CSMD2: variants seen among roughly 807,000 people sequenced by gnomAD.
The protein encoded by CSMD2 is CUB and Sushi multiple domains 2.
A neutral mutation model predicts 398.5 loss-of-function variants in CSMD2; 130 were observed. That is an observed-to-expected ratio of 0.33 (90% confidence interval 0.28 to 0.38). The LOEUF (loss-of-function observed/expected upper bound fraction) is 0.38. Among genes scored for constraint, CSMD2 ranks in the 10% least tolerant of loss-of-function variants. The probability of loss-of-function intolerance (pLI) is 1.00; values close to 1 mark genes in which losing one functional copy is unlikely to be tolerated. For synonymous variants in CSMD2, 1,828 were observed against 1,908.5 expected, an observed-to-expected ratio of 0.96 and a Z score of 1.10; for missense variants, 3,829 against 4,764.9, an observed-to-expected ratio of 0.80 and a Z score of 5.78.
intron 1 of CSMD2, among the ~76,000 whole-genome samples, chr1:34,151,635 C>T (rs924591122): frequency 6.6e-6 from 1 of 151,898 alleles, no homozygotes; most frequent in Non-Finnish European, 1.5e-5. Flanking sequence ...AGGAGAGAGG[C>T]GGAAGGAACA....
intron 48 of CSMD2, 114 bp downstream of exon 48, chr1:33,580,639 C>T: frequency 1.8e-6 from 2 of 1,136,996 alleles, no homozygotes; most frequent in East Asian, 2.4e-5. Flanking sequence ...GCAAAGACCA[C>T]TTAGCTTCAG....
At chr1:34,043,047 CCAAAGTG>C (rs1652051982) in intron 2 of CSMD2, among the ~76,000 whole-genome samples, 1 of 152,102 alleles carries the variant, frequency 6.6e-6, no homozygotes, top group Admixed American at 6.5e-5. Flanking sequence ...CCTTGGCCTC[CCAAAGTG>C]CTGGGATTAC....
chr1:34,010,943 T>G (rs550545296), intron 3 of CSMD2, among the ~76,000 whole-genome samples: 1 of 152,282 alleles, frequency 6.6e-6, no homozygotes, highest in Admixed American at 6.5e-5. Context: ...GTTTTTGAGC[T>G]TCCTTCTGCC....
chr1:34,147,316 AATGCT>A (rs1639867498), intron 1 of CSMD2, among the ~76,000 whole-genome samples: 1 of 152,208 alleles, frequency 6.6e-6, no homozygotes, highest in Non-Finnish European at 1.5e-5. Flanking sequence ...GGTCAAGGCA[AATGCT>A]GGAAGCTCCA....
rs1646169444 is a variant in CSMD2 at position 33,716,407 on chromosome 1, C to T, written c.3096G>A (p.Gln1032=). 1 of 1,614,094 alleles carries T rather than the reference C, an allele frequency of 6.2e-7. No individual in the cohort carries two copies. Among genetic ancestry groups the T allele is most frequent in the Non-Finnish European group, 8.5e-7 (1 of 1,180,030 alleles). ...GAGCTGGCAGCCGAGATCCAGTTAGCTGCCTCAGGGGCTGGGTGAAGCTGC... is the reference window on the plus strand; with the variant it reads ...GAGCTGGCAGCCGAGATCCAGTTAGTTGCCTCAGGGGCTGGGTGAAGCTGC... ...ENGSFTQPLR[Q]LTGSRLPAPI... The change falls in exon 20 of 71, where the codon CAG becomes CAA. Residue 1032 remains glutamine, a synonymous_variant. Transcript: ENST00000373381.
intron 6 of CSMD2, among the ~76,000 whole-genome samples, chr1:33,830,045 C>T (rs532471132): frequency 6.2e-4 from 95 of 152,336 alleles, no homozygotes; most frequent in African/African-American, 2.0e-3. Flanking sequence ...CTCAAGGAGG[C>T]CTGCCTGCCT....
intron 13 of CSMD2, among the ~76,000 whole-genome samples, chr1:33,768,545 T>TGTGTGTGC (rs1650845741): frequency 1.1e-5 from 1 of 87,658 alleles, no homozygotes; most frequent in African/African-American, 5.0e-5. Flanking sequence ...CATGTGTGTG[T>TGTGTGTGC]GTGTGTGTGT....
rs547753807 is a variant in CSMD2 at position 33,855,791 on chromosome 1, G to A, written c.921-8795C>T. Reference sequence around the variant, plus strand: ...GAAACAGGGTGCAGGCCTCAAGAGCGTGGTGACTACAGCATATTCACACTC... The same window carrying A: ...GAAACAGGGTGCAGGCCTCAAGAGCATGGTGACTACAGCATATTCACACTC... On this transcript the variant is annotated intron_variant, in intron 5 of 70. Coordinates refer to ENST00000373381, the MANE Select transcript of CSMD2 (RefSeq NM_001281956.2). 7.7e-4 allele frequency among the ~76,000 whole-genome samples: 118 copies of A among 152,296 alleles called. 1 individual carries two copies. The highest frequency in any genetic ancestry group is 5.0e-4 in the Non-Finnish European group (34 of 68,022).
chr1:34,069,844 G>C (rs867551574), intron 2 of CSMD2, among the ~76,000 whole-genome samples: 40 of 152,196 alleles, frequency 2.6e-4, no homozygotes, highest in Admixed American at 2.6e-3. Context: ...GTGTGATTTA[G>C]ATACCTTATT....
intron 52 of CSMD2, 92 bp from the exon 53 acceptor site, chr1:33,567,933 T>C: frequency 1.4e-6 from 2 of 1,437,424 alleles, no homozygotes; most frequent in Non-Finnish European, 1.9e-6. Context: ...TAGGAGTGAC[T>C]TCAGGAACCC....
chr1:33,779,237 A>G (rs369129864), intron 12 of CSMD2, among the ~76,000 whole-genome samples: 28 of 152,130 alleles, frequency 1.8e-4, no homozygotes, highest in African/African-American at 6.3e-4. Flanking sequence ...CGACCTTGAG[A>G]TTTACACGGC....
At chr1:33,726,312 G>T (rs986434498) in intron 16 of CSMD2, among the ~76,000 whole-genome samples, 1 of 152,134 alleles carries the variant, frequency 6.6e-6, no homozygotes, top group Admixed American at 6.5e-5. Flanking sequence ...CATCCCAAAT[G>T]GTACCCAAGC....
intron 6 of CSMD2, chr1:33,838,447 G>A (rs1373273789): frequency 6.6e-6 from 1 of 152,070 alleles, no homozygotes; most frequent in Non-Finnish European, 1.5e-5. Flanking sequence ...AAAATTGTTG[G>A]GTATACATCC....
chr1:33,971,219 T>G (rs1379312082), intron 3 of CSMD2, among the ~76,000 whole-genome samples: 1 of 152,218 alleles, frequency 6.6e-6, no homozygotes. Flanking sequence ...ATGCTGCAGA[T>G]GAACACCAGC....
intron 15 of CSMD2, among the ~76,000 whole-genome samples, chr1:33,728,938 T>C (rs1479830971): frequency 2.0e-5 from 3 of 152,162 alleles, no homozygotes; most frequent in Non-Finnish European, 4.4e-5. Context: ...TCAAAACCCA[T>C]CCATCCATCT....
chr1:34,077,296 A>C (rs1656507464), intron 2 of CSMD2, among the ~76,000 whole-genome samples: 1 of 150,746 alleles, frequency 6.6e-6, no homozygotes, highest in African/African-American at 2.4e-5. Context: ...TCTCTACTAA[A>C]AATACAAAAA....
chr1:33,731,098 G>T (rs1646702734), intron 15 of CSMD2, among the ~76,000 whole-genome samples: 1 of 152,134 alleles, frequency 6.6e-6, no homozygotes, highest in African/African-American at 2.4e-5. Flanking sequence ...AGAACAAACT[G>T]CAGTAGATTT....
chr1:33,783,198 C>A (rs1434200936), intron 12 of CSMD2, among the ~76,000 whole-genome samples: 1 of 152,074 alleles, frequency 6.6e-6, no homozygotes, highest in East Asian at 1.9e-4. Flanking sequence ...GTGCAGGTCA[C>A]AGGTGTGGGG....
At chr1:33,615,807 C>T (rs558422475) in intron 39 of CSMD2, among the ~76,000 whole-genome samples, 70 of 152,334 alleles carry the variant, frequency 4.6e-4, no homozygotes, top group South Asian at 4.1e-3. Flanking sequence ...TGCCCTACAC[C>T]GTGGTGAAAC....
Sources: allele counts gnomAD v4.1 joint callset (sites outside exome capture counted in the v4.1 genomes callset), GRCh38; gene constraint gnomAD v4.1.1; transcripts MANE v1.5; gene names NCBI Gene and HGNC (gene_info 2026-07-23, HGNC 2026-07-21).